Variants in ACSM2A observed in about 807,000 individuals in gnomAD.
ACSM2A encodes the protein acyl-CoA synthetase medium chain family member 2A.
A neutral mutation model predicts 76.6 loss-of-function variants in ACSM2A; 72 were observed. The observed-to-expected ratio is 0.94, with a 90% CI of 0.78 to 1.14. The LOEUF is 1.14. Among genes scored for constraint, ACSM2A ranks in the 50% most tolerant of loss-of-function variants. The pLI, the probability that ACSM2A is intolerant of heterozygous loss-of-function variation, is 0.00. For synonymous variants in ACSM2A, 249 were observed against 255.9 expected (o/e 0.97, Z 0.26); for missense variants, 684 against 708.5 (o/e 0.97, Z 0.39).
chr16:20,471,335 T>A, intron 5 of ACSM2A, 119 bp downstream of exon 5: 1 of 1,513,388 alleles, frequency 6.6e-7, no homozygotes, highest in Non-Finnish European at 8.9e-7. Context: ...AACATTCATC[T>A]CCTGTTGATA....
rs1174244370 is a variant in ACSM2A, at chr16:20,465,425, T to C, written c.178-92T>C. On this transcript the variant is annotated intron_variant, in intron 2 of 13. Coordinates refer to ENST00000573854, the MANE Select transcript of ACSM2A (RefSeq NM_001308172.2). ...GAGGTGCTGAGATAAAAAACCTTAC[T>C]AAGCACCAACTTGGCAATCCCAAGA... is the stretch of plus-strand genomic sequence containing the variant. 3 of 1,512,232 alleles carry C rather than the reference T, an allele frequency of 2.0e-6. No homozygotes were observed. In the East Asian group the frequency reaches 7.2e-5, roughly 36 times the overall value. 93.7% of individuals were successfully genotyped at this position (1,512,232 alleles called of 1,614,324 possible).
At chr16:20,458,218 G>C (rs1461296922) in intron 1 of ACSM2A, among the ~76,000 whole-genome samples, 1 of 150,766 alleles carries the variant, frequency 6.6e-6, no homozygotes, top group African/African-American at 2.4e-5. Context: ...TTGTAAAAAT[G>C]ACTATATTGC....
intron 3 of ACSM2A, among the ~76,000 whole-genome samples, chr16:20,468,767 C>T (rs569725248): frequency 3.9e-5 from 6 of 152,170 alleles, no homozygotes; most frequent in Non-Finnish European, 7.3e-5. Context: ...TATAAAACCT[C>T]ATTTATGTGC....
rs1054985 is a variant in ACSM2A, at chr16:20,486,687, A to G, written c.*9A>G. 49 of 1,613,826 alleles carry G rather than the reference A, an allele frequency of 3.0e-5. No individual in the cohort carries two copies. The African/African-American group carries it at 5.5e-4, about 18-fold the overall frequency. On this transcript the variant is annotated 3_prime_UTR_variant, in exon 14 of 14. Transcript: ENST00000573854. ...AAGCCCGTGCGCAGTGAGACATCTA[A>G]GAGACATTCATTTGGATTCCCCTCT...
intron 3 of ACSM2A, among the ~76,000 whole-genome samples, chr16:20,468,987 C>T (rs2013197646): frequency 1.3e-5 from 2 of 152,120 alleles, no homozygotes; most frequent in Admixed American, 6.5e-5. Flanking sequence ...CACTTTGTAC[C>T]CAATAAATAT....
chr16:20,480,912 C>A lies in ACSM2A; in HGVS notation c.1500C>A (p.Val500=). 6.2e-7 allele frequency: 1 copy of A among 1,613,842 alleles called. No individual in the cohort carries two copies. Among genetic ancestry groups the A allele is most frequent in the Non-Finnish European group, 8.5e-7 (1 of 1,179,856 alleles). ...CTGTGATCAGCAGCCCAGACCCCGT[C>A]CGAGGAGAGGTGATGGGGAAGCAGT... ...ETAVISSPDP[V]RGEVVKAFVV... The change falls in exon 12 of 14, where the codon GTC becomes GTA. Residue 500 remains valine, a synonymous_variant. Coordinates refer to ENST00000573854, the MANE Select transcript of ACSM2A (RefSeq NM_001308172.2).
At chr16:20,470,804 C>CT (rs1017246239) in intron 4 of ACSM2A, 24 of 625,830 alleles carry the variant, frequency 3.8e-5, no homozygotes, top group African/African-American at 1.8e-5. Context: ...CTTGATCTCA[C>CT]TTTTTTTGCA....
Position 20,486,831 on chromosome 16 carries a change from T to C in ACSM2A, c.*153T>C, listed in dbSNP as rs2014407362. ...TGGTTATTAGCACAAAACTTTACCA[T>C]GTTAGATGTTGAAAGAAGAAAGGGA... On this transcript the variant is annotated 3_prime_UTR_variant, in exon 14 of 14. Transcript: ENST00000573854. The C allele has an allele frequency of 2.3e-6, 2 of 882,270 alleles. No individual in the cohort carries two copies. The highest frequency in any genetic ancestry group is 1.8e-5 in the South Asian group (1 of 55,630). 54.7% of individuals were successfully genotyped at this position (882,270 alleles called of 1,614,324 possible).
At chr16:20,473,016 T>G (rs998596342) in intron 6 of ACSM2A, among the ~76,000 whole-genome samples, 1 of 152,214 alleles carries the variant, frequency 6.6e-6, no homozygotes, top group Non-Finnish European at 1.5e-5. Flanking sequence ...CTATGCATTA[T>G]CCTGTAGCAA....
rs1168107029 is a variant in ACSM2A at position 20,451,690 on chromosome 16, T to C, written c.-9+9T>C. The C allele has an allele frequency of 6.6e-6, 1 of 151,674 alleles. No homozygotes were observed. The highest frequency in any genetic ancestry group is 1.5e-5 in the Non-Finnish European group (1 of 67,980). 9.4% of individuals were successfully genotyped at this position (151,674 alleles called of 1,614,324 possible). ...CTGAGAGGACTTGGCAGGTGAGCAC[T>C]GTTTCAAGGAATGGGCTGATGGGGT... On this transcript the variant is annotated intron_variant, in intron 1 of 13. Coordinates refer to ENST00000573854, the MANE Select transcript of ACSM2A (RefSeq NM_001308172.2).
At chr16:20,472,255 C>T (rs924817394) in intron 6 of ACSM2A, among the ~76,000 whole-genome samples, 1 of 152,190 alleles carries the variant, frequency 6.6e-6, no homozygotes, top group African/African-American at 2.4e-5. Context: ...CAGACATTTA[C>T]TTCTCATAGC....
rs1290464356 is a variant in ACSM2A, at chr16:20,479,388, C to G, written c.1281+711C>G. On this transcript the variant is annotated intron_variant, in intron 10 of 13. Coordinates refer to ENST00000573854, the MANE Select transcript of ACSM2A (RefSeq NM_001308172.2). ...ACATTTAATCTTTAAACTTTAAACT[C>G]ATTTAAACTTTAAACTCGTTTAATC... is the stretch of plus-strand genomic sequence containing the variant. Among the ~76,000 whole-genome samples, 3 of 152,266 alleles carry G rather than the reference C, an allele frequency of 2.0e-5. No homozygotes were observed. The East Asian group carries it at 5.8e-4, about 29-fold the overall frequency.
At chr16:20,456,982 A>T (rs1480294741) in intron 1 of ACSM2A, among the ~76,000 whole-genome samples, 2 of 151,956 alleles carry the variant, frequency 1.3e-5, no homozygotes, top group African/African-American at 4.8e-5. Context: ...ATTACAACCG[A>T]CACCACAGAA....
intron 1 of ACSM2A, among the ~76,000 whole-genome samples, chr16:20,459,662 C>A (rs1414072790): frequency 6.6e-6 from 1 of 152,118 alleles, no homozygotes; most frequent in Non-Finnish European, 1.5e-5. Flanking sequence ...TTGACCAAAG[C>A]ATATCTCATG....
chr16:20,479,449 T>C (rs1021451903), intron 10 of ACSM2A, among the ~76,000 whole-genome samples: 1 of 152,214 alleles, frequency 6.6e-6, no homozygotes, highest in Non-Finnish European at 1.5e-5. Flanking sequence ...GGACTCAGTT[T>C]GCTCGAGTTC....
chr16:20,457,064 A>T (rs1288997216), intron 1 of ACSM2A, among the ~76,000 whole-genome samples: 2 of 152,054 alleles, frequency 1.3e-5, no homozygotes, highest in Admixed American at 1.3e-4. Flanking sequence ...GGAGATGGAT[A>T]AATTCTTGGG....
intron 6 of ACSM2A, 110 bp downstream of exon 6, chr16:20,471,799 A>G (rs1278674700): frequency 2.6e-6 from 4 of 1,530,514 alleles, no homozygotes; most frequent in Non-Finnish European, 3.5e-6. Flanking sequence ...AACCCCTGCC[A>G]TGTGGTGAAC....
intron 4 of ACSM2A, among the ~76,000 whole-genome samples, chr16:20,469,945 A>G (rs2013282002): frequency 7.2e-6 from 1 of 139,738 alleles, no homozygotes. Flanking sequence ...GGACCTTCTG[A>G]GCAGCATATA....
At position 20,487,346 on chromosome 16, in the gene ACSM2A, C is replaced by T. The variant is rs956262519; in HGVS notation, c.*668C>T. On this transcript the variant is annotated 3_prime_UTR_variant, in exon 14 of 14. Transcript: ENST00000573854. Reference sequence around the variant, plus strand: ...AGGAAATGAAAGGCCGTGGCACCTTCTTATACCCTAGAAGAAGACCTCCAT... The same window carrying T: ...AGGAAATGAAAGGCCGTGGCACCTTTTTATACCCTAGAAGAAGACCTCCAT... 1 of 152,246 alleles carries T rather than the reference C, an allele frequency of 6.6e-6. No homozygotes were observed. Among genetic ancestry groups the T allele is most frequent in the African/African-American group, 2.4e-5 (1 of 41,422 alleles). 9.4% of individuals were successfully genotyped at this position (152,246 alleles called of 1,614,324 possible). A position where few individuals can be genotyped will look rare whatever the true frequency, so the allele number is the denominator to read the frequency against.
Sources: allele counts gnomAD v4.1 joint callset (sites outside exome capture counted in the v4.1 genomes callset), GRCh38; gene constraint gnomAD v4.1.1; transcripts MANE v1.5; gene names NCBI Gene and HGNC (gene_info 2026-07-23, HGNC 2026-07-21).